Variants in RSAD2 observed in about 807,000 individuals in gnomAD.
The protein encoded by RSAD2 is S-adenosylmethionine-dependent nucleotide dehydratase RSAD2.
RSAD2 carries 38 observed loss-of-function variants against 37.7 expected under a neutral mutation model. The observed-to-expected ratio is 1.01, with a 90% CI of 0.78 to 1.32. The LOEUF (loss-of-function observed/expected upper bound fraction) is 1.32, where lower values mean the gene tolerates loss of function less well. Ranked by LOEUF, RSAD2 falls within the 40% of genes most tolerant of loss-of-function variation. The probability of loss-of-function intolerance (pLI) is 0.00; values close to 1 mark genes in which losing one functional copy is unlikely to be tolerated. For missense variants in RSAD2, 428 were observed against 437.5 expected (o/e 0.98, Z 0.19); for synonymous variants, 163 against 157.4 (o/e 1.04, Z -0.27).
upstream of RSAD2, chr2:6,877,590 C>T: frequency 1.8e-6 from 1 of 566,372 alleles, no homozygotes; most frequent in Non-Finnish European, 3.1e-6. Context: ...ACCAGGAATG[C>T]TCGCCCCGAT....
At chr2:6,867,592 A>G (rs757811078) in intron 1 of RSAD2, among the ~76,000 whole-genome samples, 1 of 152,204 alleles carries the variant, frequency 6.6e-6, no homozygotes, top group Non-Finnish European at 1.5e-5. Flanking sequence ...TATCTGGGTT[A>G]GTAGCCTCTC....
At chr2:6,893,824 A>G (rs1333580787) in intron 5 of RSAD2, 121 bp downstream of exon 5, 9 of 678,222 alleles carry the variant, frequency 1.3e-5, no homozygotes, top group Admixed American at 6.5e-5. Context: ...TTAGCACTTC[A>G]CAGTTTGATA....
At chr2:6,885,994 G>T (rs1334090099) in intron 2 of RSAD2, among the ~76,000 whole-genome samples, 1 of 152,190 alleles carries the variant, frequency 6.6e-6, no homozygotes, top group Non-Finnish European at 1.5e-5. Flanking sequence ...CAAAATAGGA[G>T]TTAAAATGAC....
rs1040725730 is a variant in RSAD2, at chr2:6,897,245, A to G, written c.*1303A>G. On this transcript the variant is annotated 3_prime_UTR_variant, in exon 6 of 6. Transcript: ENST00000382040. ...CTTAGTATCTTATTGCCTAAAAAAA[A>G]ATTTCTTATCATTGTTTCAAAAAAG... The G allele has an allele frequency of 2.0e-5, 3 of 152,222 alleles. No homozygotes were observed. The highest frequency in any genetic ancestry group is 3.8e-4 in the East Asian group (2 of 5,204). 9.4% of individuals were successfully genotyped at this position (152,222 alleles called of 1,614,324 possible). A position where few individuals can be genotyped will look rare whatever the true frequency, so the allele number is the denominator to read the frequency against.
chr2:6,886,194 G>T (rs1422312332), intron 2 of RSAD2, among the ~76,000 whole-genome samples: 8 of 152,226 alleles, frequency 5.3e-5, no homozygotes, highest in Non-Finnish European at 1.0e-4. Flanking sequence ...TAAGTGGATA[G>T]CATGAAGGAG....
intron 1 of RSAD2, chr2:6,878,692 T>C (rs1663338608): frequency 3.1e-6 from 1 of 318,248 alleles, no homozygotes; most frequent in African/African-American, 2.2e-5. Context: ...TCAAGAATGC[T>C]TACTGAGCAT....
chr2:6,886,902 T>C, intron 2 of RSAD2, 33 bp from the exon 3 acceptor site: 1 of 1,548,672 alleles, frequency 6.5e-7, no homozygotes, highest in Non-Finnish European at 8.9e-7. Flanking sequence ...GGTCCTTGGA[T>C]AGAAAAGTTT....
rs139075974 is a variant in RSAD2, at chr2:6,890,319, C to T, written c.882C>T (p.Asn294=). 3.5e-4 allele frequency: 557 copies of T among 1,613,872 alleles called. 4 individuals are homozygous for T. The African/African-American group carries it at 6.7e-3, about 19-fold the overall frequency. Residue 294 remains asparagine (N), a synonymous_variant, in exon 4 of 6, where the codon AAC becomes AAT. Coordinates refer to ENST00000382040, the MANE Select transcript of RSAD2 (RefSeq NM_080657.5). ...KEVSCLVPES[N]QKMKDSYLIL... ...TGTCCTGCTTGGTGCCTGAATCTAACCAGAAGGTTGTATAAAGCAAAAGTT... is the reference window on the plus strand; with the variant it reads ...TGTCCTGCTTGGTGCCTGAATCTAATCAGAAGGTTGTATAAAGCAAAAGTT...
At chr2:6,866,558 T>C (rs904230819) in intron 1 of RSAD2, 22 of 791,968 alleles carry the variant, frequency 2.8e-5, no homozygotes, top group Non-Finnish European at 3.4e-5. Context: ...TGCACTAAGG[T>C]GAAGTGTGTC....
Position 6,896,020 on chromosome 2 carries a change from C to T in RSAD2, c.*78C>T, listed in dbSNP as rs185809368. 18 of 1,406,354 alleles carry T rather than the reference C, an allele frequency of 1.3e-5. No homozygotes were observed. Among genetic ancestry groups the T allele is most frequent in the East Asian group, 6.9e-5 (3 of 43,346 alleles). The allele number at this position is 1,406,354 out of a possible 1,614,324, so 87.1% of individuals were successfully genotyped here. The stretch of plus-strand genomic sequence containing the variant: ...ACTGCCATTGTCTGCAATACTATCC[C>T]GTTGGTATTTCCCAGTGGCTGAAAA... On this transcript the variant is annotated 3_prime_UTR_variant, in exon 6 of 6. Transcript: ENST00000382040.
At chr2:6,868,119 T>A (rs1010140088) in intron 1 of RSAD2, among the ~76,000 whole-genome samples, 3 of 152,020 alleles carry the variant, frequency 2.0e-5, no homozygotes, top group Non-Finnish European at 4.4e-5. Context: ...CACAGCTATA[T>A]CATAGGAAAA....
At chr2:6,878,196 T>C in intron 1 of RSAD2, 50 bp downstream of exon 1, 2 of 1,522,496 alleles carry the variant, frequency 1.3e-6, no homozygotes, top group East Asian at 4.6e-5. Context: ...CACTGGGCAG[T>C]GGGGTAAGGC....
intron 1 of RSAD2, among the ~76,000 whole-genome samples, chr2:6,881,907 G>A (rs564505175): frequency 9.3e-5 from 14 of 151,012 alleles, no homozygotes; most frequent in African/African-American, 3.4e-4. Flanking sequence ...GTTGTGTAAT[G>A]CATAGACCCC....
intron 1 of RSAD2, among the ~76,000 whole-genome samples, chr2:6,871,868 A>T (rs1663209965): frequency 6.6e-6 from 1 of 152,194 alleles, no homozygotes; most frequent in Admixed American, 6.5e-5. Context: ...GTTTGATGAG[A>T]ATGGCTATGT....
intron 3 of RSAD2, among the ~76,000 whole-genome samples, chr2:6,889,299 C>T (rs1663584532): frequency 6.6e-6 from 1 of 152,122 alleles, no homozygotes; most frequent in South Asian, 2.1e-4. Flanking sequence ...TTAAGGAAGA[C>T]ACCATGAAAG....
At chr2:6,887,745 G>C (rs1433390178) in intron 3 of RSAD2, among the ~76,000 whole-genome samples, 1 of 152,224 alleles carries the variant, frequency 6.6e-6, no homozygotes, top group African/African-American at 2.4e-5. Context: ...CTGCTCGTCA[G>C]AAGCAAATCA....
chr2:6,868,264 AAAT>A (rs1201033261), intron 1 of RSAD2, among the ~76,000 whole-genome samples: 1 of 152,190 alleles, frequency 6.6e-6, no homozygotes, highest in Non-Finnish European at 1.5e-5. Context: ...TAAAATGAAA[AAAT>A]AACACTTTGA....
In RSAD2 at chr2:6,896,030, TC is replaced by T; in HGVS notation, c.*91del. ...TCTGCAATACTATCCCGTTGGTATT[TC>T]CCAGTGGCTGAAAACCTGATTTTCT... is the stretch of plus-strand genomic sequence containing the variant. On this transcript the variant is annotated 3_prime_UTR_variant, in exon 6 of 6. Coordinates refer to ENST00000382040, the MANE Select transcript of RSAD2 (RefSeq NM_080657.5). 7.5e-7 allele frequency: 1 copy of T among 1,329,174 alleles called. No individual in the cohort carries two copies. The highest frequency in any genetic ancestry group is 1.0e-6 in the Non-Finnish European group (1 of 969,930). 82.3% of individuals were successfully genotyped at this position (1,329,174 alleles called of 1,614,324 possible).
chr2:6,876,565 G>C (rs1350838087), upstream of RSAD2, among the ~76,000 whole-genome samples: 1 of 152,210 alleles, frequency 6.6e-6, no homozygotes, highest in East Asian at 1.9e-4. Context: ...GAGAGTTTAA[G>C]AAACTTTGGG....
Sources: gnomAD v4.1 joint callset for allele counts (sites outside exome capture counted in the v4.1 genomes callset) on GRCh38, gnomAD v4.1.1 for gene constraint, MANE v1.5 for transcripts, NCBI Gene and HGNC (gene_info 2026-07-23, HGNC 2026-07-21) for gene names.